The following CSMD1 variants were observed in gnomAD, a reference collection of about 807,000 sequenced individuals.
CSMD1 encodes the protein CUB and sushi domain-containing protein 1.
In CSMD1, 213 loss-of-function variants were observed where a neutral mutation model predicts 417.5. The observed-to-expected ratio is 0.51, with a 90% CI of 0.46 to 0.57. CSMD1 has a LOEUF of 0.57. CSMD1 is among the 20% of genes least tolerant of loss of function. The probability of loss-of-function intolerance (pLI) is 0.00; values close to 1 mark genes in which losing one functional copy is unlikely to be tolerated. For missense variants in CSMD1, 6,923 were observed against 4,529.7 expected, an observed-to-expected ratio of 1.53 and a Z score of -15.17; for synonymous variants, 2,862 against 1,736.8, an observed-to-expected ratio of 1.65 and a Z score of -16.11.
Position 4,031,989 on chromosome 8 carries a change from T to C in CSMD1, c.526A>G (p.Ile176Val), listed in dbSNP as rs1797371994. 3 of 1,613,888 alleles carry C rather than the reference T, an allele frequency of 1.9e-6. No individual in the cohort carries two copies. Among genetic ancestry groups the C allele is most frequent in the East Asian group, 2.2e-5 (1 of 44,880 alleles). ...KIRYSCLPGY[I>V]LEGHAILTCI... ...GTCAGGATGGCGTGGCCTTCCAAGA[T>C]GTAGCCAGGGAGGCAGCTGTACCGG... Residue 176 changes from isoleucine to valine, a missense_variant, in exon 4 of 70, where the codon ATC becomes GTC. Ile to Val is a conservative substitution (Grantham distance 29). Transcript: ENST00000635120.
In CSMD1 at chr8:3,772,472, T is replaced by C. The variant is rs796131052; in HGVS notation, c.819-18430A>G. On this transcript the variant is annotated intron_variant, in intron 5 of 69. Transcript: ENST00000635120. ...ACACATATATATACATATATACACA[T>C]ATATATACATATATACACATATATA... 1.9e-4 allele frequency among the ~76,000 whole-genome samples: 10 copies of C among 53,096 alleles called. 2 individuals are homozygous for C. The highest frequency in any genetic ancestry group is 7.6e-4 in the African/African-American group (9 of 11,820). The allele number at this position is 53,096 out of a possible 152,430, so 34.8% of individuals were successfully genotyped here.
chr8:3,571,062 G>C (rs995797786), intron 10 of CSMD1, among the ~76,000 whole-genome samples: 1 of 152,112 alleles, frequency 6.6e-6, no homozygotes, highest in African/African-American at 2.4e-5. Context: ...TCCACTCCAG[G>C]GCAAAACACT....
intron 25 of CSMD1, among the ~76,000 whole-genome samples, chr8:3,291,651 T>G (rs1469658780): frequency 6.6e-6 from 1 of 152,188 alleles, no homozygotes; most frequent in Non-Finnish European, 1.5e-5. Flanking sequence ...TAGTTTGTGT[T>G]TCTGTGGGAT....
At chr8:4,154,736 C>T (rs1172903725) in intron 3 of CSMD1, among the ~76,000 whole-genome samples, 1 of 152,138 alleles carries the variant, frequency 6.6e-6, no homozygotes, top group Non-Finnish European at 1.5e-5. Context: ...CTACCTTATG[C>T]AAGTAAGGCT....
At chr8:3,835,588 C>T (rs1802641366) in intron 5 of CSMD1, among the ~76,000 whole-genome samples, 1 of 151,932 alleles carries the variant, frequency 6.6e-6, no homozygotes, top group Admixed American at 6.6e-5. Context: ...GGAGGGATAG[C>T]ATTAGGAGAT....
At chr8:3,785,310 G>C (rs1002652996) in intron 5 of CSMD1, among the ~76,000 whole-genome samples, 1 of 152,204 alleles carries the variant, frequency 6.6e-6, no homozygotes, top group African/African-American at 2.4e-5. Context: ...TGAAACTTCA[G>C]GCTGCGGAAA....
At chr8:2,957,347 A>G (rs1803088624) in intron 63 of CSMD1, among the ~76,000 whole-genome samples, 1 of 152,186 alleles carries the variant, frequency 6.6e-6, no homozygotes, top group African/African-American at 2.4e-5. Context: ...AATGTTCAAT[A>G]TAACATTATG....
At chr8:3,074,296 G>A (rs746059651) in intron 49 of CSMD1, among the ~76,000 whole-genome samples, 10 of 152,138 alleles carry the variant, frequency 6.6e-5, no homozygotes, top group Non-Finnish European at 8.8e-5. Context: ...AGAAGAGCCC[G>A]TCTGGTGAGG....
chr8:3,773,774 G>C (rs887141854), intron 5 of CSMD1, among the ~76,000 whole-genome samples: 4 of 152,132 alleles, frequency 2.6e-5, no homozygotes, highest in Non-Finnish European at 4.4e-5. Context: ...TAAATATCCA[G>C]AATAAATATC....
At chr8:4,097,516 C>T (rs1174101383) in intron 3 of CSMD1, among the ~76,000 whole-genome samples, 1 of 152,094 alleles carries the variant, frequency 6.6e-6, no homozygotes, top group Non-Finnish European at 1.5e-5. Context: ...GTCTTGTTGC[C>T]CCTGGTGTGT....
chr8:3,853,270 G>C (rs1804040926), intron 5 of CSMD1, among the ~76,000 whole-genome samples: 1 of 152,134 alleles, frequency 6.6e-6, no homozygotes, highest in African/African-American at 2.4e-5. Flanking sequence ...AGAAAGCTGT[G>C]AGTTTTCTTT....
intron 20 of CSMD1, among the ~76,000 whole-genome samples, chr8:3,365,766 G>A (rs1809521866): frequency 6.6e-6 from 1 of 152,198 alleles, no homozygotes; most frequent in South Asian, 2.1e-4. Flanking sequence ...TTTCCACTGT[G>A]TGGGGGTTGA....
At chr8:4,842,085 G>C (rs1219577888) in intron 1 of CSMD1, among the ~76,000 whole-genome samples, 3 of 152,136 alleles carry the variant, frequency 2.0e-5, no homozygotes, top group African/African-American at 7.2e-5. Context: ...TCACCTATGT[G>C]TACCATTCTG....
At chr8:4,530,960 A>C (rs1796787637) in intron 2 of CSMD1, among the ~76,000 whole-genome samples, 1 of 152,072 alleles carries the variant, frequency 6.6e-6, no homozygotes, top group African/African-American at 2.4e-5. Flanking sequence ...CTAGTATCTG[A>C]GCCATACCCT....
intron 2 of CSMD1, among the ~76,000 whole-genome samples, chr8:4,530,346 C>CTTTTTTTTTTTTTTTTTTTTTTTGT (rs1195374053): frequency 1.6e-5 from 1 of 62,074 alleles, no homozygotes; most frequent in Admixed American, 2.4e-4. Context: ...TTTTTTTTTA[C>CTTTTTTTTTTTTTTTTTTTTTTTGT]TTTCAGTGCT....
intron 41 of CSMD1, among the ~76,000 whole-genome samples, chr8:3,140,913 A>C (rs1465245085): frequency 6.6e-6 from 1 of 152,230 alleles, no homozygotes; most frequent in African/African-American, 2.4e-5. Flanking sequence ...AAAAGGATAA[A>C]GTTCAATCAC....
At position 4,288,792 on chromosome 8, in the gene CSMD1, C is replaced by T. The variant is rs954329058; in HGVS notation, c.415+131161G>A. On this transcript the variant is annotated intron_variant, in intron 3 of 69. Transcript: ENST00000635120. Reference sequence around the variant, plus strand: ...TCTGATACCTGTCAGGTCTACGTAGCAGCCAACATTGAGCAAAATCAAGTC... The same window carrying T: ...TCTGATACCTGTCAGGTCTACGTAGTAGCCAACATTGAGCAAAATCAAGTC... Among the ~76,000 whole-genome samples, 4 of 152,202 alleles carry T rather than the reference C, an allele frequency of 2.6e-5. 1 individual carries two copies. Among genetic ancestry groups the T allele is most frequent in the South Asian group, 2.1e-4 (1 of 4,832 alleles).
rs1294493375 is a variant in CSMD1, at chr8:2,977,740, AC to A, written c.8566+871del. Among the ~76,000 whole-genome samples, 6 of 152,340 alleles carry A rather than the reference AC, an allele frequency of 3.9e-5. No individual in the cohort carries two copies. In the East Asian group the frequency reaches 7.7e-4, roughly 20 times the overall value. The stretch of plus-strand genomic sequence containing the variant: ...ACTTAAACAAATTTACAAGAAAAAA[AC>A]AACCCCATTAAAAAGTGGGCAAAGG... On this transcript the variant is annotated intron_variant, in intron 55 of 69. Transcript: ENST00000635120.
chr8:3,988,833 C>A (rs549481291), intron 5 of CSMD1, among the ~76,000 whole-genome samples: 1 of 152,096 alleles, frequency 6.6e-6, no homozygotes, highest in African/African-American at 2.4e-5. Context: ...CATTTAGGTC[C>A]TATTTTTTCC....
Sources: allele counts gnomAD v4.1 joint callset (sites outside exome capture counted in the v4.1 genomes callset), GRCh38; gene constraint gnomAD v4.1.1; transcripts MANE v1.5; gene names NCBI Gene and HGNC (gene_info 2026-07-23, HGNC 2026-07-21).